The following FHIT variants were observed in gnomAD, a reference collection of about 807,000 sequenced individuals.
The protein encoded by FHIT is fragile histidine triad diadenosine triphosphatase.
In FHIT, 19 loss-of-function variants were observed where a neutral mutation model predicts 17.9. The ratio of observed to expected loss-of-function variants is 1.06; its 90% CI spans 0.74 to 1.56. The LOEUF (loss-of-function observed/expected upper bound fraction) is 1.56, where lower values mean the gene tolerates loss of function less well. FHIT is among the 40% of genes most tolerant of loss of function. The pLI, the probability that FHIT is intolerant of heterozygous loss-of-function variation, is 0.00. For synonymous variants in FHIT, 81 were observed against 69.7 expected, an observed-to-expected ratio of 1.16 and a Z score of -0.81; for missense variants, 248 against 189.2, an observed-to-expected ratio of 1.31 and a Z score of -1.82.
intron 7 of FHIT, among the ~76,000 whole-genome samples, chr3:59,969,240 T>C (rs3772468): frequency 0.33 from 49,612 of 152,072 alleles, 9,656 homozygotes; most frequent in East Asian, 0.52. Context: ...GGTTCTTTCC[T>C]ATGGCAATCT....
chr3:60,704,952 C>A (rs1553703124), intron 4 of FHIT, among the ~76,000 whole-genome samples: 1 of 151,774 alleles, frequency 6.6e-6, no homozygotes, highest in Non-Finnish European at 1.5e-5. Flanking sequence ...ACATGACTGC[C>A]ACTCTGTCCA....
At chr3:59,810,078 C>G (rs1027327246) in intron 8 of FHIT, among the ~76,000 whole-genome samples, 2 of 152,136 alleles carry the variant, frequency 1.3e-5, no homozygotes, top group Non-Finnish European at 2.9e-5. Context: ...AGATGCTGGT[C>G]TGCTTTAGGT....
intron 7 of FHIT, among the ~76,000 whole-genome samples, chr3:60,009,132 AG>A (rs1318780833): frequency 6.6e-6 from 1 of 150,676 alleles, no homozygotes; most frequent in Non-Finnish European, 1.5e-5. Context: ...CTAAAAGGAC[AG>A]CTTTGGAACC....
At chr3:61,033,827 G>C (rs141980781) in intron 3 of FHIT, among the ~76,000 whole-genome samples, 1 of 152,240 alleles carries the variant, frequency 6.6e-6, no homozygotes, top group East Asian at 1.9e-4. Flanking sequence ...TTCAACAGAA[G>C]AAAATCTGTG....
At chr3:60,011,801 T>C (rs1431085285) in intron 6 of FHIT, among the ~76,000 whole-genome samples, 2 of 152,216 alleles carry the variant, frequency 1.3e-5, no homozygotes, top group African/African-American at 2.4e-5. Context: ...GCTATAAACA[T>C]AAGCCATTAA....
intron 5 of FHIT, among the ~76,000 whole-genome samples, chr3:60,198,414 C>G (rs553274362): frequency 6.6e-6 from 1 of 152,300 alleles, no homozygotes; most frequent in Admixed American, 6.5e-5. Flanking sequence ...AAAAAGTAAT[C>G]ACATGTGAAT....
chr3:61,239,221 A>T (rs986566670), intron 1 of FHIT, among the ~76,000 whole-genome samples: 5 of 152,186 alleles, frequency 3.3e-5, no homozygotes, highest in Non-Finnish European at 7.3e-5. Context: ...AGCATTACCC[A>T]TGGGAAAAAA....
chr3:61,054,937 T>G (rs1229847181), intron 2 of FHIT, among the ~76,000 whole-genome samples: 2 of 152,186 alleles, frequency 1.3e-5, no homozygotes, highest in East Asian at 3.8e-4. Context: ...CTGCTCTCCC[T>G]GGTTAGGGCC....
intron 3 of FHIT, among the ~76,000 whole-genome samples, chr3:61,036,896 G>A (rs888950110): frequency 2.9e-5 from 2 of 69,164 alleles, no homozygotes; most frequent in African/African-American, 6.8e-5. Context: ...AGATCAGTCT[G>A]CTTTGTTTTT....
chr3:59,874,582 C>T (rs199819637), intron 8 of FHIT, among the ~76,000 whole-genome samples: 6 of 152,114 alleles, frequency 3.9e-5, no homozygotes, highest in South Asian at 2.1e-4. Context: ...CAGACTGAAA[C>T]GTACGATATT....
At chr3:59,878,090 C>A (rs1253083931) in intron 8 of FHIT, among the ~76,000 whole-genome samples, 1 of 152,030 alleles carries the variant, frequency 6.6e-6, no homozygotes, top group African/African-American at 2.4e-5. Flanking sequence ...AAAAATCTGC[C>A]TCATATAAAT....
At chr3:59,761,590 A>G (rs1031663738) in intron 8 of FHIT, among the ~76,000 whole-genome samples, 1 of 152,110 alleles carries the variant, frequency 6.6e-6, no homozygotes, top group Non-Finnish European at 1.5e-5. Flanking sequence ...CTGCTTGCAG[A>G]GGATCTTAGC....
intron 8 of FHIT, among the ~76,000 whole-genome samples, chr3:59,864,831 A>AGAG (rs987279441): frequency 1.3e-5 from 2 of 148,932 alleles, no homozygotes; most frequent in East Asian, 2.0e-4. Context: ...AAAGAGAGAG[A>AGAG]GAAAAAAAAA....
intron 3 of FHIT, among the ~76,000 whole-genome samples, chr3:60,825,056 T>A (rs902674187): frequency 2.0e-5 from 3 of 152,210 alleles, no homozygotes; most frequent in Admixed American, 6.5e-5. Context: ...CAATTCAGTG[T>A]TGTCCAAGAT....
At chr3:60,355,044 T>G (rs887713972) in intron 5 of FHIT, among the ~76,000 whole-genome samples, 1 of 152,216 alleles carries the variant, frequency 6.6e-6, no homozygotes, top group Non-Finnish European at 1.5e-5. Context: ...CTCAATGATT[T>G]AGACTCTCTA....
chr3:61,048,054 C>T (rs1326890955), intron 2 of FHIT, among the ~76,000 whole-genome samples: 1 of 151,424 alleles, frequency 6.6e-6, no homozygotes, highest in Non-Finnish European at 1.5e-5. Flanking sequence ...CCATTCAGGA[C>T]ATAGGCATGG....
chr3:60,220,344 T>G (rs965583410), intron 5 of FHIT, among the ~76,000 whole-genome samples: 1 of 152,234 alleles, frequency 6.6e-6, no homozygotes, highest in African/African-American at 2.4e-5. Flanking sequence ...AAGGCCTGCC[T>G]GTCCCCACCT....
chr3:60,788,710 G>T (rs1427363881), intron 4 of FHIT, among the ~76,000 whole-genome samples: 1 of 152,130 alleles, frequency 6.6e-6, no homozygotes, highest in Non-Finnish European at 1.5e-5. Flanking sequence ...CCATAGAATT[G>T]TTCAGTGTGG....
intron 5 of FHIT, among the ~76,000 whole-genome samples, chr3:60,200,414 C>T (rs1443511939): frequency 6.6e-6 from 1 of 152,156 alleles, no homozygotes. Context: ...TCTAGTGGGT[C>T]ACAATCTACT....
Sources: gnomAD v4.1 joint callset for allele counts (sites outside exome capture counted in the v4.1 genomes callset) on GRCh38, gnomAD v4.1.1 for gene constraint, MANE v1.5 for transcripts, NCBI Gene and HGNC (gene_info 2026-07-23, HGNC 2026-07-21) for gene names.